Variants in LIPI observed in about 807,000 individuals in gnomAD.
LIPI encodes the protein lipase I, also known as lipase member I.
LIPI carries 59 observed loss-of-function variants against 50.6 expected under a neutral mutation model. The ratio of observed to expected loss-of-function variants is 1.16; its 90% CI spans 0.94 to 1.45. The LOEUF (loss-of-function observed/expected upper bound fraction) is 1.45, where lower values mean the gene tolerates loss of function less well. LIPI is among the 40% of genes most tolerant of loss of function. LIPI has a pLI of 0.00. For missense variants in LIPI, 586 were observed against 536.3 expected, an observed-to-expected ratio of 1.09 and a Z score of -0.92; for synonymous variants, 203 against 178.2, an observed-to-expected ratio of 1.14 and a Z score of -1.11.
At chr21:14,160,794 C>T (rs1440610578) in intron 7 of LIPI, among the ~76,000 whole-genome samples, 1 of 150,906 alleles carries the variant, frequency 6.6e-6, no homozygotes, top group Non-Finnish European at 1.5e-5. Flanking sequence ...CAAAAGTCAA[C>T]AGCTTAAAAA....
At chr21:14,186,175 A>G (rs2019450882) in intron 2 of LIPI, 106 bp from the exon 3 acceptor site, 1 of 754,944 alleles carries the variant, frequency 1.3e-6, no homozygotes, top group Non-Finnish European at 2.4e-6. Context: ...TTCTGGCTTG[A>G]TTCATTTTGG....
At chr21:14,160,896 G>A (rs1193808421) in intron 7 of LIPI, among the ~76,000 whole-genome samples, 1 of 151,072 alleles carries the variant, frequency 6.6e-6, no homozygotes, top group Non-Finnish European at 1.5e-5. Context: ...CATCCATCAG[G>A]GCAATGAATA....
At chr21:14,149,282 T>G (rs2018005963) in intron 8 of LIPI, among the ~76,000 whole-genome samples, 1 of 152,062 alleles carries the variant, frequency 6.6e-6, no homozygotes, top group African/African-American at 2.4e-5. Context: ...CCATCAGATC[T>G]CTTGAGAACT....
chr21:14,123,792 G>A (rs573631099), intron 9 of LIPI, among the ~76,000 whole-genome samples: 202 of 152,184 alleles, frequency 1.3e-3, no homozygotes, highest in Admixed American at 2.0e-3. Context: ...AAGACAGCTC[G>A]AGCCGTGGAT....
chr21:14,184,361 G>C (rs565273109), intron 3 of LIPI, among the ~76,000 whole-genome samples: 1 of 152,002 alleles, frequency 6.6e-6, no homozygotes, highest in Admixed American at 6.6e-5. Context: ...AGCATTAGGC[G>C]ATATACCTAA....
At position 14,169,668 on chromosome 21, in the gene LIPI, G is replaced by C. The variant is rs151062560; in HGVS notation, c.644-3217C>G. ...TAAAGATGTTGTTTGAAACCAATGA[G>C]AACAAAGACACAACATACCAGAATC... On this transcript the variant is annotated intron_variant, in intron 4 of 9. Coordinates refer to ENST00000681601, the MANE Select transcript of LIPI (RefSeq NM_001302998.2). 2.5e-3 allele frequency among the ~76,000 whole-genome samples: 376 copies of C among 152,262 alleles called. 7 individuals carry two copies. In the East Asian group the frequency reaches 0.048, roughly 19 times the overall value.
chr21:14,127,517 A>T (rs535896392), intron 9 of LIPI, among the ~76,000 whole-genome samples: 5 of 152,350 alleles, frequency 3.3e-5, no homozygotes, highest in African/African-American at 1.2e-4. Flanking sequence ...TAAATTTTAC[A>T]TAAAAGTTAA....
chr21:14,181,702 G>T, intron 4 of LIPI, 56 bp downstream of exon 4: 1 of 1,031,956 alleles, frequency 9.7e-7, no homozygotes, highest in Non-Finnish European at 1.5e-6. Flanking sequence ...CTTGCCCAAG[G>T]TCTACATTTT....
chr21:14,156,963 G>A (rs1000862591), intron 7 of LIPI, among the ~76,000 whole-genome samples: 27 of 151,858 alleles, frequency 1.8e-4, no homozygotes, highest in African/African-American at 6.5e-4. Context: ...ATATATTATT[G>A]GAAACTGGTA....
intron 9 of LIPI, among the ~76,000 whole-genome samples, chr21:14,132,281 G>C (rs2017325891): frequency 6.6e-6 from 1 of 152,064 alleles, no homozygotes; most frequent in Admixed American, 6.5e-5. Flanking sequence ...AGGTCTAAAG[G>C]CAAACTGAAA....
chr21:14,160,696 A>G (rs776121722), intron 7 of LIPI, among the ~76,000 whole-genome samples: 22 of 151,536 alleles, frequency 1.5e-4, no homozygotes, highest in Non-Finnish European at 2.5e-4. Context: ...TTTGTGAAAC[A>G]GATAAAAAGA....
At chr21:14,207,377 T>C (rs1006880375) in intron 1 of LIPI, among the ~76,000 whole-genome samples, 3 of 152,212 alleles carry the variant, frequency 2.0e-5, no homozygotes, top group African/African-American at 7.2e-5. Context: ...ATGATCACTA[T>C]GCATTATATC....
At chr21:14,150,655 G>A (rs1466800064) in intron 8 of LIPI, among the ~76,000 whole-genome samples, 3 of 152,074 alleles carry the variant, frequency 2.0e-5, no homozygotes, top group Non-Finnish European at 4.4e-5. Context: ...GTGTGAATGT[G>A]TATGTATATA....
chr21:14,185,385 G>T (rs149670036), intron 3 of LIPI, among the ~76,000 whole-genome samples: 1 of 152,102 alleles, frequency 6.6e-6, no homozygotes, highest in Admixed American at 6.6e-5. Flanking sequence ...GTATTCTTAC[G>T]ATAGTATGTC....
chr21:14,170,833 C>T (rs112501041), intron 4 of LIPI, among the ~76,000 whole-genome samples: 2 of 151,558 alleles, frequency 1.3e-5, no homozygotes, highest in Non-Finnish European at 2.9e-5. Context: ...CTCACCACTC[C>T]TATTCAACAT....
At chr21:14,184,360 C>T (rs545118865) in intron 3 of LIPI, among the ~76,000 whole-genome samples, 4 of 151,782 alleles carry the variant, frequency 2.6e-5, no homozygotes, top group East Asian at 3.9e-4. Context: ...TAGCATTAGG[C>T]GATATACCTA....
At position 14,146,913 on chromosome 21, in the gene LIPI, G is replaced by T. The variant is rs145870468; in HGVS notation, c.1119-2114C>A. Among the ~76,000 whole-genome samples the T allele has an allele frequency of 8.9e-3, 1,341 of 150,634 alleles. 10 individuals are homozygous for T. Among genetic ancestry groups the T allele is most frequent in the Admixed American group, 0.016 (245 of 15,022 alleles). The stretch of plus-strand genomic sequence containing the variant: ...CCTGCCTCAGCTTCCTGAGCAGCTG[G>T]GACTACAGGCACACGCCACCACACC... On this transcript the variant is annotated intron_variant, in intron 8 of 9. Transcript: ENST00000681601.
At chr21:14,119,844 C>T (rs571663080) in intron 9 of LIPI, among the ~76,000 whole-genome samples, 20 of 152,270 alleles carry the variant, frequency 1.3e-4, no homozygotes, top group African/African-American at 2.9e-4. Context: ...AGGAACTGGC[C>T]GCCACTGCCT....
At chr21:14,157,601 A>G (rs933313670) in intron 7 of LIPI, among the ~76,000 whole-genome samples, 2 of 151,934 alleles carry the variant, frequency 1.3e-5, no homozygotes, top group South Asian at 4.1e-4. Context: ...GAGGCCTGGA[A>G]AACGTCTACA....
Sources: gnomAD v4.1 joint callset for allele counts (sites outside exome capture counted in the v4.1 genomes callset) on GRCh38, gnomAD v4.1.1 for gene constraint, MANE v1.5 for transcripts, NCBI Gene and HGNC (gene_info 2026-07-23, HGNC 2026-07-21) for gene names.